Variants in CELF2 observed in about 807,000 individuals in gnomAD.
The protein encoded by CELF2 is CUG triplet repeat RNA-binding protein 2.
A neutral mutation model predicts 62.6 loss-of-function variants in CELF2; 8 were observed. The ratio of observed to expected loss-of-function variants is 0.13; its 90% confidence interval spans 0.07 to 0.23. The LOEUF (loss-of-function observed/expected upper bound fraction) is 0.23, where lower values mean the gene tolerates loss of function less well. Ranked by LOEUF, CELF2 falls within the 10% of genes least tolerant of loss-of-function variation. The pLI is 1.00. For missense variants in CELF2, 333 were observed against 671.0 expected (o/e 0.50, Z 5.56); for synonymous variants, 258 against 250.0 (o/e 1.03, Z -0.30).
chr10:10,741,309 G>C, the CELF2 span, among the ~76,000 whole-genome samples: 193 of 151,896 alleles, frequency 1.3e-3, 1 homozygote, highest in Middle Eastern at 0.014. Flanking sequence ...TCAACAGATC[G>C]AGACCATCCT....
the CELF2 span, among the ~76,000 whole-genome samples, chr10:10,710,157 G>C: frequency 3.3e-5 from 5 of 152,174 alleles, no homozygotes. Flanking sequence ...GGCTCTAAAG[G>C]AATGCTTTAA....
chr10:10,608,587 G>A, the CELF2 span, among the ~76,000 whole-genome samples: 1 of 152,084 alleles, frequency 6.6e-6, no homozygotes, highest in Non-Finnish European at 1.5e-5. Context: ...CTCAATCCAG[G>A]TTGAATTAGA....
At chr10:10,519,692 C>T in the CELF2 span, among the ~76,000 whole-genome samples, 10 of 152,178 alleles carry the variant, frequency 6.6e-5, no homozygotes, top group Non-Finnish European at 1.3e-4. Context: ...CTAGGCCAAA[C>T]CACAAGACTG....
intron 1 of CELF2, among the ~76,000 whole-genome samples, chr10:11,062,761 T>C (rs879290194): frequency 6.6e-6 from 1 of 152,210 alleles, no homozygotes; most frequent in Non-Finnish European, 1.5e-5. Context: ...CCATAAACTT[T>C]GTTAATAAAG....
At chr10:11,140,817 G>A (rs2061225489) in intron 1 of CELF2, among the ~76,000 whole-genome samples, 1 of 152,108 alleles carries the variant, frequency 6.6e-6, no homozygotes, top group African/African-American at 2.4e-5. Flanking sequence ...GAGATTTCAA[G>A]ACCAGCCCGG....
rs1172362321 is a variant in CELF2, at chr10:11,012,140, C to G, written c.53+6700C>G. The stretch of plus-strand genomic sequence containing the variant: ...GACTCATTCCCATTGTCAATCAACT[C>G]TTTGACAGAATGAAATGCTGAATCC... On this transcript the variant is annotated intron_variant, in intron 1 of 12. Transcript: ENST00000416382. The surrounding 1 kb of genome is among the most constrained non-coding windows in gnomAD (Gnocchi z 5.5). Among the ~76,000 whole-genome samples, 1 of 152,156 alleles carries G rather than the reference C, an allele frequency of 6.6e-6. No individual in the cohort carries two copies.
At chr10:10,529,235 C>A in the CELF2 span, among the ~76,000 whole-genome samples, 1 of 152,176 alleles carries the variant, frequency 6.6e-6, no homozygotes, top group East Asian at 1.9e-4. Context: ...GATGGAGATT[C>A]TGTCACTCTT....
chr10:10,652,661 C>G, the CELF2 span, among the ~76,000 whole-genome samples: 1 of 151,924 alleles, frequency 6.6e-6, no homozygotes. Context: ...ACTTCACAGA[C>G]AAGCAAATGC....
At chr10:11,190,076 G>A (rs534855683) in intron 2 of CELF2, among the ~76,000 whole-genome samples, 1 of 152,280 alleles carries the variant, frequency 6.6e-6, no homozygotes, top group South Asian at 2.1e-4. Flanking sequence ...GCAAACTCCT[G>A]TAAAGATTTA....
the CELF2 span, among the ~76,000 whole-genome samples, chr10:10,777,656 G>A: frequency 2.7e-4 from 41 of 152,104 alleles, no homozygotes; most frequent in African/African-American, 9.9e-4. Flanking sequence ...CATGTTTCCG[G>A]TGCAGCCAGG....
intron 1 of CELF2, among the ~76,000 whole-genome samples, chr10:11,067,896 T>G (rs1434579898): frequency 2.0e-5 from 3 of 152,224 alleles, no homozygotes; most frequent in African/African-American, 4.8e-5. Flanking sequence ...ATTTTGAGAA[T>G]TAAAACAGAA....
chr10:11,125,633 A>C (rs2058554204), intron 1 of CELF2, among the ~76,000 whole-genome samples: 1 of 152,134 alleles, frequency 6.6e-6, no homozygotes, highest in South Asian at 2.1e-4. Flanking sequence ...AAAATGGCGC[A>C]GTGGTCCAGG....
At chr10:11,049,653 G>A (rs1455532560) in intron 1 of CELF2, among the ~76,000 whole-genome samples, 3 of 150,642 alleles carry the variant, frequency 2.0e-5, no homozygotes, top group Non-Finnish European at 2.9e-5. Flanking sequence ...TCACGCTTCC[G>A]GCACATACTT....
the CELF2 span, among the ~76,000 whole-genome samples, chr10:10,469,369 A>G: frequency 1.3e-5 from 2 of 151,944 alleles, no homozygotes; most frequent in Admixed American, 1.3e-4. Flanking sequence ...GAAAGTGAAC[A>G]TCCTTGACAT....
chr10:10,836,264 G>A (rs1456477863), intron 1 of CELF2, among the ~76,000 whole-genome samples: 2 of 151,306 alleles, frequency 1.3e-5, no homozygotes, highest in Admixed American at 6.6e-5. Context: ...CACCTAGAGG[G>A]TGGAGAGAGA....
At chr10:10,518,393 T>C in the CELF2 span, among the ~76,000 whole-genome samples, 1 of 151,900 alleles carries the variant, frequency 6.6e-6, no homozygotes, top group African/African-American at 2.4e-5. Context: ...AAATAGACAG[T>C]AGATGGCAGG....
At position 11,311,607 on chromosome 10, in the gene CELF2, GAA is replaced by G. The variant is rs1202688875; in HGVS notation, c.977-2528_977-2527del. On this transcript the variant is annotated intron_variant, in intron 9 of 12. Transcript: ENST00000633077. This position sits in a 1 kb window ranked among gnomAD's most constrained non-coding sequence, Gnocchi z 4.7. Reference sequence around the variant, plus strand: ...TACATATTAAAAGAATTTGAAAAGCGAAAAAGCCACTGATTATGAAAAATGAC... The same window carrying G: ...TACATATTAAAAGAATTTGAAAAGCGAAAGCCACTGATTATGAAAAATGAC... 1.3e-5 allele frequency among the ~76,000 whole-genome samples: 2 copies of G among 151,952 alleles called. No homozygotes were observed. The highest frequency in any genetic ancestry group is 2.9e-5 in the Non-Finnish European group (2 of 67,974).
rs978383726 is a variant in CELF2, at chr10:11,331,021, T to C, written c.*1968T>C. On this transcript the variant is annotated 3_prime_UTR_variant, in exon 13 of 13. Coordinates refer to ENST00000633077, the MANE Select transcript of CELF2 (RefSeq NM_001326342.2). ...AAGATATATATATAGAACCACTTTTTGTAGATTAGTATAAGAAAAATATTT... is the reference window on the plus strand; with the variant it reads ...AAGATATATATATAGAACCACTTTTCGTAGATTAGTATAAGAAAAATATTT... 1 of 152,618 alleles carries C rather than the reference T, an allele frequency of 6.6e-6. No individual in the cohort carries two copies. Among genetic ancestry groups the C allele is most frequent in the Non-Finnish European group, 1.5e-5 (1 of 68,032 alleles). 9.5% of individuals were successfully genotyped at this position (152,618 alleles called of 1,614,324 possible).
the CELF2 span, among the ~76,000 whole-genome samples, chr10:10,593,820 C>A: frequency 6.6e-6 from 1 of 152,222 alleles, no homozygotes; most frequent in Non-Finnish European, 1.5e-5. Flanking sequence ...ACATTCCACA[C>A]ATGAGACTTT....
Sources: allele counts gnomAD v4.1 joint callset (sites outside exome capture counted in the v4.1 genomes callset), GRCh38; gene constraint gnomAD v4.1.1; non-coding constraint Gnocchi (gnomAD v3.1); transcripts MANE v1.5; gene names NCBI Gene and HGNC (gene_info 2026-07-23, HGNC 2026-07-21).